The following RBM15B variants were observed in gnomAD, a reference collection of about 807,000 sequenced individuals.
RBM15B encodes the protein putative RNA-binding protein 15B.
In RBM15B, 11 loss-of-function variants were observed where a neutral mutation model predicts 53.3. The ratio of observed to expected loss-of-function variants is 0.21; its 90% CI spans 0.13 to 0.34. The LOEUF (loss-of-function observed/expected upper bound fraction) is 0.34, where lower values mean the gene tolerates loss of function less well. Among genes scored for constraint, RBM15B ranks in the 10% least tolerant of loss-of-function variants. The pLI is 1.00. For synonymous variants in RBM15B, 631 were observed against 540.7 expected, an observed-to-expected ratio of 1.17 and a Z score of -2.32; for missense variants, 1,136 against 1,250.3, an observed-to-expected ratio of 0.91 and a Z score of 1.38.
At position 51,393,766 on chromosome 3, in the gene RBM15B, C is replaced by G. The variant is rs782039251; in HGVS notation, c.2367C>G (p.Asn789Lys). Residue 789 changes from asparagine to lysine, a missense_variant, in exon 1 of 1, where the codon AAC (asparagine) becomes AAG (lysine). Asn to Lys is a moderately conservative substitution (Grantham distance 94). Around this residue, in one of 7 missense-constraint regions of RBM15B, gnomAD observed 578 missense variants for 581.6 expected, o/e 0.99. Coordinates refer to ENST00000563281, the MANE Select transcript of RBM15B (RefSeq NM_013286.5). The surrounding 1 kb of genome is among the most constrained non-coding windows in gnomAD (Gnocchi z 5.6). ...GACGCATCAAGCAGGGGAGCCCCAA[C>G]GGCTATGCGGTCCTCTTAGCCACCC... ...VTRRIKQGSP[N>K]GYAVLLATQA... is the part of the protein sequence containing the mutation. The G allele has an allele frequency of 6.2e-7, 1 of 1,613,866 alleles. No individual in the cohort carries two copies.
At position 51,391,802 on chromosome 3, in the gene RBM15B, G is replaced by A; in HGVS notation, c.403G>A (p.Ala135Thr). The change falls in exon 1 of 1, where the codon GCG (alanine) becomes ACG (threonine). Residue 135 changes from alanine to threonine, a missense_variant. Around this residue, in one of 7 missense-constraint regions of RBM15B, gnomAD observed 257 missense variants for 261.1 expected, o/e 0.98. Coordinates refer to ENST00000563281, the MANE Select transcript of RBM15B (RefSeq NM_013286.5). The surrounding 1 kb of genome is among the most constrained non-coding windows in gnomAD (Gnocchi z 4.5). Reference sequence around the variant, plus strand: ...CGCGTGTCCCGGCTCATCCGCGGCCGCGCCTGAGTACAAGACGTTGCTCAT... The same window carrying A: ...CGCGTGTCCCGGCTCATCCGCGGCCACGCCTGAGTACAAGACGTTGCTCAT... The part of the protein sequence containing the change: ...EPACPGSSAA[A>T]PEYKTLLISS... 1.3e-6 allele frequency: 2 copies of A among 1,593,192 alleles called. No individual in the cohort carries two copies. Among genetic ancestry groups the A allele is most frequent in the African/African-American group, 1.4e-5 (1 of 73,282 alleles).
Position 51,391,864 on chromosome 3 carries a change from C to G in RBM15B, c.465C>G (p.Leu155=), listed in dbSNP as rs13100976. ...SLSPALPAEH[L]EDRLFHQFKR... is the part of the protein sequence containing the mutation. ...GCCCCGCGCTGCCCGCCGAGCACCT[C>G]GAGGACCGGCTCTTCCACCAGTTCA... Residue 155 remains leucine, a synonymous_variant, in exon 1 of 1, where the codon CTC becomes CTG. Coordinates refer to ENST00000563281, the MANE Select transcript of RBM15B (RefSeq NM_013286.5). The surrounding 1 kb of genome is among the most constrained non-coding windows in gnomAD (Gnocchi z 4.5). 1.2e-6 allele frequency: 2 copies of G among 1,603,732 alleles called. No homozygotes were observed. The highest frequency in any genetic ancestry group is 1.7e-5 in the Admixed American group (1 of 59,992).
chr3:51,394,267 G>A lies in RBM15B; in HGVS notation c.*195G>A. 4.3e-6 allele frequency: 3 copies of A among 704,196 alleles called. No homozygotes were observed. The highest frequency in any genetic ancestry group is 8.6e-5 in the Admixed American group (2 of 23,208). The allele number at this position is 704,196 out of a possible 1,614,324, so 43.6% of individuals were successfully genotyped here. ...TGGGGGATTTTTTTTTTTAAACGAT[G>A]AGAAGGGAATCCGGTTATGTTGATT... On this transcript the variant is annotated 3_prime_UTR_variant, in exon 1 of 1. Coordinates refer to ENST00000563281, the MANE Select transcript of RBM15B (RefSeq NM_013286.5).
Position 51,395,697 on chromosome 3 carries a change from T to G in RBM15B, c.*1625T>G, listed in dbSNP as rs1457201811. 1 of 412,178 alleles carries G rather than the reference T, an allele frequency of 2.4e-6. No homozygotes were observed. Among genetic ancestry groups the G allele is most frequent in the East Asian group, 3.6e-5 (1 of 28,042 alleles). 25.5% of individuals were successfully genotyped at this position (412,178 alleles called of 1,614,324 possible). ...CTCCCTTACCGGAGCTAGGATAAGGTAGCATGAGTGACACCTGAGATTAGA... is the reference window on the plus strand; with the variant it reads ...CTCCCTTACCGGAGCTAGGATAAGGGAGCATGAGTGACACCTGAGATTAGA... On this transcript the variant is annotated 3_prime_UTR_variant, in exon 1 of 1. Transcript: ENST00000563281.
rs782004869 is a variant in RBM15B at position 51,392,591 on chromosome 3, T to G, written c.1192T>G (p.Ser398Ala). The change falls in exon 1 of 1, where the codon TCG becomes GCG. Residue 398 changes from serine (S) to alanine (A), a missense_variant. Transcript: ENST00000563281. The surrounding 1 kb of genome is among the most constrained non-coding windows in gnomAD (Gnocchi z 7.5). ...DMAHRAKVAM[S>A]GRVIGRNPIK... ...GGCCCATAGGGCTAAGGTGGCCATG[T>G]CGGGCCGAGTGATTGGTCGCAACCC... 6.2e-7 allele frequency: 1 copy of G among 1,613,990 alleles called. No individual in the cohort carries two copies. The highest frequency in any genetic ancestry group is 1.1e-5 in the South Asian group (1 of 91,088).
In RBM15B at chr3:51,392,173, C is replaced by CT; in HGVS notation, c.775dup (p.Tyr259LeufsTer66). 6.5e-7 allele frequency: 1 copy of CT among 1,538,762 alleles called. No individual in the cohort carries two copies. Among genetic ancestry groups the CT allele is most frequent in the African/African-American group, 1.4e-5 (1 of 73,122 alleles). ...TCGGCTACCTCCCGCTACACGGAGG[C>CT]TACCAGTACAAGCAGCGCTCGCTGT... On this transcript the variant is annotated frameshift_variant, in exon 1 of 1. Transcript: ENST00000563281. LOFTEE classifies it high-confidence loss of function. The surrounding 1 kb of genome is among the most constrained non-coding windows in gnomAD (Gnocchi z 7.5).
Position 51,396,146 on chromosome 3 carries a change from C to T in RBM15B, c.*2074C>T, listed in dbSNP as rs1374388583. On this transcript the variant is annotated 3_prime_UTR_variant, in exon 1 of 1. Transcript: ENST00000563281. ...CTTCTCTGGGCTACCTATCTTCCTT[C>T]ATGAAGCAGGTGCTCAGGACCCGGA... is the stretch of plus-strand genomic sequence containing the variant. 5 of 398,574 alleles carry T rather than the reference C, an allele frequency of 1.3e-5. No individual in the cohort carries two copies. The highest frequency in any genetic ancestry group is 2.3e-5 in the Non-Finnish European group (5 of 217,302). The allele number at this position is 398,574 out of a possible 1,614,324, so 24.7% of individuals were successfully genotyped here. A position where few individuals can be genotyped will look rare whatever the true frequency, so the allele number is the denominator to read the frequency against.
In RBM15B at chr3:51,392,596, C is replaced by G. The variant is rs1577019462; in HGVS notation, c.1197C>G (p.Gly399=). Reference sequence around the variant, plus strand: ...ATAGGGCTAAGGTGGCCATGTCGGGCCGAGTGATTGGTCGCAACCCCATTA... The same window carrying G: ...ATAGGGCTAAGGTGGCCATGTCGGGGCGAGTGATTGGTCGCAACCCCATTA... ...MAHRAKVAMS[G]RVIGRNPIKI... Residue 399 remains glycine, a synonymous_variant, in exon 1 of 1, where the codon GGC becomes GGG. Transcript: ENST00000563281. This position sits in a 1 kb window ranked among gnomAD's most constrained non-coding sequence, Gnocchi z 7.5. 1 of 1,613,876 alleles carries G rather than the reference C, an allele frequency of 6.2e-7. No homozygotes were observed. Among genetic ancestry groups the G allele is most frequent in the Non-Finnish European group, 8.5e-7 (1 of 1,180,036 alleles).
Position 51,394,440 on chromosome 3 carries a change from CGAA to C in RBM15B, c.*371_*373del, listed in dbSNP as rs1296938351. Reference sequence around the variant, plus strand: ...GTTTAATCAATCAAGCTAAAAGAATCGAAGACATCCCTAGTGCATGTACACGAA... The same window carrying C: ...GTTTAATCAATCAAGCTAAAAGAATCGACATCCCTAGTGCATGTACACGAA... On this transcript the variant is annotated 3_prime_UTR_variant, in exon 1 of 1. Transcript: ENST00000563281. 1.1e-5 allele frequency: 2 copies of C among 182,020 alleles called. No homozygotes were observed. Among genetic ancestry groups the C allele is most frequent in the African/African-American group, 4.8e-5 (2 of 42,070 alleles). The allele number at this position is 182,020 out of a possible 1,614,324, so 11.3% of individuals were successfully genotyped here.
chr3:51,394,218 C>A lies in RBM15B; in HGVS notation c.*146C>A. 1 of 1,123,460 alleles carries A rather than the reference C, an allele frequency of 8.9e-7. No homozygotes were observed. The highest frequency in any genetic ancestry group is 1.6e-5 in the African/African-American group (1 of 61,782). 69.6% of individuals were successfully genotyped at this position (1,123,460 alleles called of 1,614,324 possible). A position where few individuals can be genotyped will look rare whatever the true frequency, so the allele number is the denominator to read the frequency against. ...GGGTGGGGATCAAAGTCCTGTCCAC[C>A]ACCAAAACTAAGTTCTTAGATTTTG... On this transcript the variant is annotated 3_prime_UTR_variant, in exon 1 of 1. Transcript: ENST00000563281.
rs782247507 is a variant in RBM15B, at chr3:51,393,880, C to T, written c.2481C>T (p.Tyr827=). 78 of 1,577,146 alleles carry T rather than the reference C, an allele frequency of 4.9e-5. No homozygotes were observed. The South Asian group carries it at 8.8e-4, about 18-fold the overall frequency. Residue 827 remains tyrosine, a synonymous_variant, in exon 1 of 1, where the codon TAC becomes TAT. Transcript: ENST00000563281. This position sits in a 1 kb window ranked among gnomAD's most constrained non-coding sequence, Gnocchi z 5.6. ...GGCTTCTCAGGAACCTGGTCTCCTA[C>T]TTGAAACAGAAGCAGGCCGCAGGGG... ...QRRLLRNLVS[Y]LKQKQAAGVI... is the part of the protein sequence containing the mutation.
At position 51,393,378 on chromosome 3, in the gene RBM15B, C is replaced by T. The variant is rs1553621956; in HGVS notation, c.1979C>T (p.Ala660Val). 1.9e-6 allele frequency: 3 copies of T among 1,613,394 alleles called. No individual in the cohort carries two copies. In the African/African-American group the frequency reaches 4.0e-5, roughly 22 times the overall value. Residue 660 changes from alanine (A) to valine (V), a missense_variant, in exon 1 of 1, where the codon GCT (alanine) becomes GTT (valine). Ala to Val is a moderately conservative substitution (Grantham distance 64). Coordinates refer to ENST00000563281, the MANE Select transcript of RBM15B (RefSeq NM_013286.5). The surrounding 1 kb of genome is among the most constrained non-coding windows in gnomAD (Gnocchi z 5.6). Reference protein sequence around the residue: ...SNSLSNSRHGAEERGHHHHHH... With the variant: ...SNSLSNSRHGVEERGHHHHHH... ...TCCCTCAGCAACAGCAGACATGGGG[C>T]TGAGGAACGGGGCCACCACCACCAC...
rs1446575850 is a variant in RBM15B, at chr3:51,394,630, G to C, written c.*558G>C. On this transcript the variant is annotated 3_prime_UTR_variant, in exon 1 of 1. Transcript: ENST00000563281. ...ACGCTGCCACACAAGCCTGAGTAGA[G>C]CCCATGCAAAGGAAGGGATGGGGTG... The C allele has an allele frequency of 6.0e-6, 1 of 167,140 alleles. No homozygotes were observed. The highest frequency in any genetic ancestry group is 1.5e-5 in the Non-Finnish European group (1 of 68,150). 10.4% of individuals were successfully genotyped at this position (167,140 alleles called of 1,614,324 possible).
chr3:51,393,363 A>G lies in RBM15B; in HGVS notation c.1964A>G (p.Asn655Ser), dbSNP rs782453279. ...GAGTCCAGCAGCAACTCCCTCAGCA[A>G]CAGCAGACATGGGGCTGAGGAACGG... ...TKESSSNSLS[N>S]SRHGAEERGH... The change falls in exon 1 of 1, where the codon AAC becomes AGC. Residue 655 changes from asparagine to serine, a missense_variant. Physicochemically the swap from Asn to Ser is conservative, Grantham distance 46 (BLOSUM62 1). This residue lies in a region of RBM15B where 578 missense variants were observed against 581.6 expected (regional missense o/e 0.99). Coordinates refer to ENST00000563281, the MANE Select transcript of RBM15B (RefSeq NM_013286.5). This position sits in a 1 kb window ranked among gnomAD's most constrained non-coding sequence, Gnocchi z 5.6. The G allele has an allele frequency of 1.2e-5, 19 of 1,613,078 alleles. No homozygotes were observed. The highest frequency in any genetic ancestry group is 4.5e-5 in the East Asian group (2 of 44,868).
rs782703085 is a variant in RBM15B, at chr3:51,392,095, C to T, written c.696C>T (p.Ser232=). Residue 232 remains serine (S), a synonymous_variant, in exon 1 of 1, where the codon AGC becomes AGT. Coordinates refer to ENST00000563281, the MANE Select transcript of RBM15B (RefSeq NM_013286.5). This position sits in a 1 kb window ranked among gnomAD's most constrained non-coding sequence, Gnocchi z 7.5. ...GGGSSRRSSS[S]SAAASTPPPG... ...GGAGCAGTCGGCGAAGTAGCAGCAG[C>T]AGCGCCGCCGCTTCCACGCCTCCCC... is the stretch of plus-strand genomic sequence containing the variant. 63 of 1,539,202 alleles carry T rather than the reference C, an allele frequency of 4.1e-5. No homozygotes were observed. The highest frequency in any genetic ancestry group is 5.0e-5 in the Non-Finnish European group (58 of 1,150,162).
chr3:51,391,639 G>C lies in RBM15B; in HGVS notation c.240G>C (p.Ala80=). The part of the protein sequence containing the change: ...GRGTGDANHR[A]SSGRSSGSGA... ...GCACCGGGGACGCGAATCACCGCGC[G>C]AGTAGCGGGCGCTCCTCGGGCTCCG... Residue 80 remains alanine (A), a synonymous_variant, in exon 1 of 1, where the codon GCG becomes GCC. Coordinates refer to ENST00000563281, the MANE Select transcript of RBM15B (RefSeq NM_013286.5). This position sits in a 1 kb window ranked among gnomAD's most constrained non-coding sequence, Gnocchi z 4.5. 1 of 1,192,524 alleles carries C rather than the reference G, an allele frequency of 8.4e-7. No homozygotes were observed. The highest frequency in any genetic ancestry group is 1.0e-6 in the Non-Finnish European group (1 of 963,254). The allele number at this position is 1,192,524 out of a possible 1,614,324, so 73.9% of individuals were successfully genotyped here.
rs1553623270 is a variant in RBM15B at position 51,397,181 on chromosome 3, G to A, written c.*3109G>A. The A allele has an allele frequency of 6.0e-6, 1 of 167,082 alleles. No homozygotes were observed. Among genetic ancestry groups the A allele is most frequent in the Non-Finnish European group, 1.5e-5 (1 of 68,130 alleles). 10.3% of individuals were successfully genotyped at this position (167,082 alleles called of 1,614,324 possible). ...TAATACCTATGTAACAAACTGAGCA[G>A]CTGTTATTTGGGCAAAATCAAAGGA... On this transcript the variant is annotated 3_prime_UTR_variant, in exon 1 of 1. Coordinates refer to ENST00000563281, the MANE Select transcript of RBM15B (RefSeq NM_013286.5).
Position 51,392,482 on chromosome 3 carries a change from C to T in RBM15B, c.1083C>T (p.Gly361=), listed in dbSNP as rs1338700811. Residue 361 remains glycine (G), a synonymous_variant, in exon 1 of 1, where the codon GGC becomes GGT. Coordinates refer to ENST00000563281, the MANE Select transcript of RBM15B (RefSeq NM_013286.5). This position sits in a 1 kb window ranked among gnomAD's most constrained non-coding sequence, Gnocchi z 7.5. ...VELRRAFEKY[G]IIEEVVIKRP... ...TGCGAAGGGCCTTCGAGAAATATGG[C>T]ATCATCGAGGAGGTGGTCATCAAGA... 2 of 1,613,842 alleles carry T rather than the reference C, an allele frequency of 1.2e-6. No homozygotes were observed. The highest frequency in any genetic ancestry group is 2.2e-5 in the East Asian group (1 of 44,892).
Position 51,393,740 on chromosome 3 carries a change from C to T in RBM15B, c.2341C>T (p.Arg781Ter). The T allele has an allele frequency of 6.2e-7, 1 of 1,613,812 alleles. No homozygotes were observed. The highest frequency in any genetic ancestry group is 1.3e-5 in the African/African-American group (1 of 75,044). The stretch of plus-strand genomic sequence containing the variant: ...CCAGCCCAAGCTTGACGAGGTCACA[C>T]GACGCATCAAGCAGGGGAGCCCCAA... ...LDQPKLDEVT[R>*]RIKQGSPNGY... The change falls in exon 1 of 1, where the codon CGA (arginine) becomes TGA (stop). Residue 781 changes from arginine to a stop codon, truncating the protein, a stop_gained. Coordinates refer to ENST00000563281, the MANE Select transcript of RBM15B (RefSeq NM_013286.5). LOFTEE classifies it high-confidence loss of function. The surrounding 1 kb of genome is among the most constrained non-coding windows in gnomAD (Gnocchi z 5.6).
Sources: gnomAD v4.1 joint callset for allele counts on GRCh38, gnomAD v4.1.1 for gene constraint, gnomAD v4.1.1 regional missense constraint, Gnocchi (gnomAD v3.1) non-coding constraint, MANE v1.5 for transcripts, NCBI Gene and HGNC (gene_info 2026-07-23, HGNC 2026-07-21) for gene names.